SUPT3H: variants seen among roughly 807,000 people sequenced by gnomAD.
The protein encoded by SUPT3H is transcription initiation protein SPT3 homolog.
SUPT3H carries 44 observed loss-of-function variants against 44.3 expected under a neutral mutation model. The ratio of observed to expected loss-of-function variants is 0.99; its 90% CI spans 0.78 to 1.28. The LOEUF (loss-of-function observed/expected upper bound fraction) is 1.28, where lower values mean the gene tolerates loss of function less well. Ranked by LOEUF, SUPT3H falls within the 50% of genes most tolerant of loss-of-function variation. SUPT3H has a pLI of 0.00. For synonymous variants in SUPT3H, 124 were observed against 125.6 expected, an observed-to-expected ratio of 0.99 and a Z score of 0.09; for missense variants, 380 against 387.1, an observed-to-expected ratio of 0.98 and a Z score of 0.15.
chr6:45,066,440 T>C (rs1298571451), intron 3 of SUPT3H, among the ~76,000 whole-genome samples: 1 of 86,530 alleles, frequency 1.2e-5, no homozygotes, highest in Non-Finnish European at 2.2e-5. Context: ...CTATTCAACA[T>C]AGTGTTGGAA....
At chr6:45,227,275 A>T (rs190847354) in intron 2 of SUPT3H, among the ~76,000 whole-genome samples, 282 of 151,878 alleles carry the variant, frequency 1.9e-3, no homozygotes, top group African/African-American at 6.5e-3. Context: ...ATTATGAAAA[A>T]TTATTTATAT....
chr6:44,813,514 T>TA (rs1162313575), intron 11 of SUPT3H, among the ~76,000 whole-genome samples: 4 of 150,468 alleles, frequency 2.7e-5, no homozygotes, highest in Non-Finnish European at 5.9e-5. Context: ...CTTTTGCATA[T>TA]ATGATGTCTG....
At chr6:45,317,679 C>T (rs933179168) in intron 2 of SUPT3H, among the ~76,000 whole-genome samples, 1 of 152,186 alleles carries the variant, frequency 6.6e-6, no homozygotes, top group African/African-American at 2.4e-5. Flanking sequence ...ACAACATACA[C>T]AAAAATCAAC....
At chr6:45,246,533 T>C (rs1043484457) in intron 2 of SUPT3H, among the ~76,000 whole-genome samples, 1 of 152,166 alleles carries the variant, frequency 6.6e-6, no homozygotes, top group Admixed American at 6.6e-5. Flanking sequence ...ATGAAAAGCA[T>C]TTGCTCTTAA....
chr6:44,909,414 T>G (rs149551387), intron 10 of SUPT3H, among the ~76,000 whole-genome samples: 42 of 152,316 alleles, frequency 2.8e-4, no homozygotes, highest in African/African-American at 8.2e-4. Flanking sequence ...TATATGAAAT[T>G]CTGGATCACC....
intron 3 of SUPT3H, among the ~76,000 whole-genome samples, chr6:45,026,236 G>A (rs1335558746): frequency 1.3e-5 from 2 of 152,118 alleles, no homozygotes; most frequent in African/African-American, 4.8e-5. Flanking sequence ...AACCTCAAAG[G>A]TCTTCTCTTA....
At chr6:45,249,414 T>C (rs1218387624) in intron 2 of SUPT3H, among the ~76,000 whole-genome samples, 1 of 151,624 alleles carries the variant, frequency 6.6e-6, no homozygotes, top group African/African-American at 2.4e-5. Flanking sequence ...CTTTTTATTT[T>C]AGTAAAAATT....
intron 3 of SUPT3H, among the ~76,000 whole-genome samples, chr6:45,069,915 A>G (rs1161865141): frequency 6.6e-6 from 1 of 152,150 alleles, no homozygotes; most frequent in Non-Finnish European, 1.5e-5. Context: ...CCTAGAGAGG[A>G]GCCTGCCAAC....
At chr6:44,895,139 A>G (rs560795013) in intron 10 of SUPT3H, among the ~76,000 whole-genome samples, 1 of 152,236 alleles carries the variant, frequency 6.6e-6, no homozygotes, top group South Asian at 2.1e-4. Context: ...AACCATAAGA[A>G]AGTCCATTTC....
intron 2 of SUPT3H, among the ~76,000 whole-genome samples, chr6:45,339,801 A>G (rs1157711189): frequency 2.0e-5 from 3 of 152,338 alleles, no homozygotes; most frequent in Middle Eastern, 3.4e-3. Context: ...TGAAAAATCA[A>G]TGTAACTAAC....
chr6:45,238,626 T>C (rs754322625), intron 2 of SUPT3H, among the ~76,000 whole-genome samples: 3 of 152,198 alleles, frequency 2.0e-5, no homozygotes, highest in Non-Finnish European at 4.4e-5. Flanking sequence ...TCACCTACTG[T>C]TGTTATTTTG....
Position 44,997,941 on chromosome 6 carries a change from A to G in SUPT3H, c.504+5712T>C, listed in dbSNP as rs1270560412. On this transcript the variant is annotated intron_variant, in intron 6 of 10. Transcript: ENST00000371459. ...TAGCTATTTGATATATGATAGTAAT[A>G]TATTTTCTAATATTGAAGCATACTC... Among the ~76,000 whole-genome samples, 10 of 151,916 alleles carry G rather than the reference A, an allele frequency of 6.6e-5. No individual in the cohort carries two copies. The East Asian group carries it at 1.9e-3, about 29-fold the overall frequency.
chr6:44,909,385 T>C (rs542433225), intron 10 of SUPT3H, among the ~76,000 whole-genome samples: 19 of 152,232 alleles, frequency 1.2e-4, no homozygotes, highest in African/African-American at 4.3e-4. Context: ...TCCTGGCTCT[T>C]CTTATATATT....
At chr6:44,932,370 C>T (rs10456120) in intron 10 of SUPT3H, among the ~76,000 whole-genome samples, 31,187 of 151,972 alleles carry the variant, frequency 0.21, 3,899 homozygotes, top group Non-Finnish European at 0.29. Context: ...TTGAGAATAA[C>T]GTTTTATAAA....
intron 2 of SUPT3H, among the ~76,000 whole-genome samples, chr6:45,216,743 AGAG>A (rs1194901678): frequency 6.6e-6 from 1 of 152,218 alleles, no homozygotes; most frequent in Non-Finnish European, 1.5e-5. Flanking sequence ...CAAAACTGCA[AGAG>A]GATATAACAG....
intron 6 of SUPT3H, among the ~76,000 whole-genome samples, chr6:44,996,978 C>A (rs1430956159): frequency 6.6e-6 from 1 of 151,676 alleles, no homozygotes; most frequent in Non-Finnish European, 1.5e-5. Flanking sequence ...CATTTATTCT[C>A]TTCACAGGAG....
chr6:45,359,404 T>C (rs1285518168), intron 2 of SUPT3H, among the ~76,000 whole-genome samples: 1 of 152,168 alleles, frequency 6.6e-6, no homozygotes. Flanking sequence ...TAATTACTAT[T>C]ATAGTTATAA....
intron 2 of SUPT3H, among the ~76,000 whole-genome samples, chr6:45,177,128 G>A (rs1034862845): frequency 5.3e-5 from 8 of 152,052 alleles, no homozygotes; most frequent in East Asian, 1.9e-4. Flanking sequence ...TCTGAGCTAC[G>A]GGCGGACATT....
intron 10 of SUPT3H, among the ~76,000 whole-genome samples, chr6:44,882,368 A>G (rs1778386709): frequency 6.6e-6 from 1 of 152,174 alleles, no homozygotes; most frequent in Admixed American, 6.5e-5. Context: ...ATCAATAACA[A>G]GTTCTGAAAT....
Sources: gnomAD v4.1 joint callset for allele counts (sites outside exome capture counted in the v4.1 genomes callset) on GRCh38, gnomAD v4.1.1 for gene constraint, MANE v1.5 for transcripts, NCBI Gene and HGNC (gene_info 2026-07-23, HGNC 2026-07-21) for gene names.